The following CNTNAP5 variants were observed in gnomAD, a reference collection of about 807,000 sequenced individuals.
CNTNAP5 encodes the protein contactin associated protein family member 5.
CNTNAP5 carries 72 observed loss-of-function variants against 150.2 expected under a neutral mutation model. That is an observed-to-expected ratio of 0.48 (90% CI 0.40 to 0.58). CNTNAP5 has a LOEUF of 0.58. CNTNAP5 is among the 20% of genes least tolerant of loss of function. CNTNAP5 has a pLI of 0.00. For synonymous variants in CNTNAP5, 672 were observed against 619.8 expected, an observed-to-expected ratio of 1.08 and a Z score of -1.25; for missense variants, 1,636 against 1,626.2, an observed-to-expected ratio of 1.01 and a Z score of -0.10.
chr2:124,573,365 T>C (rs953903910), intron 11 of CNTNAP5, among the ~76,000 whole-genome samples: 6 of 152,220 alleles, frequency 3.9e-5, no homozygotes, highest in Non-Finnish European at 7.3e-5. Context: ...TCTTTATCTA[T>C]GTCTTTCTCT....
chr2:124,386,549 T>A (rs1237956559), intron 3 of CNTNAP5, among the ~76,000 whole-genome samples: 1 of 152,260 alleles, frequency 6.6e-6, no homozygotes, highest in Non-Finnish European at 1.5e-5. Context: ...TTTCTTACAA[T>A]AACTTCATCC....
intron 13 of CNTNAP5, among the ~76,000 whole-genome samples, chr2:124,722,076 A>G (rs1680061385): frequency 6.6e-6 from 1 of 152,010 alleles, no homozygotes; most frequent in Admixed American, 6.6e-5. Context: ...TTCATTTTTT[A>G]AAAGACCTTA....
intron 1 of CNTNAP5, among the ~76,000 whole-genome samples, chr2:124,082,113 G>T (rs1048436222): frequency 3.9e-5 from 6 of 152,036 alleles, no homozygotes; most frequent in Non-Finnish European, 8.8e-5. Flanking sequence ...ACTTTGGGAG[G>T]CCGAGGCGGG....
intron 1 of CNTNAP5, among the ~76,000 whole-genome samples, chr2:124,083,639 G>A (rs1033887301): frequency 1.3e-5 from 2 of 151,960 alleles, no homozygotes; most frequent in African/African-American, 4.8e-5. Context: ...TTATTTCCAA[G>A]TTCTCTTTCT....
intron 2 of CNTNAP5, among the ~76,000 whole-genome samples, chr2:124,234,738 C>T (rs1201408351): frequency 6.6e-6 from 1 of 152,150 alleles, no homozygotes; most frequent in Non-Finnish European, 1.5e-5. Flanking sequence ...GACCTCCTTT[C>T]CTGCTCCATC....
chr2:124,774,400 C>T (rs1267483737), intron 17 of CNTNAP5, among the ~76,000 whole-genome samples: 1 of 152,060 alleles, frequency 6.6e-6, no homozygotes, highest in Admixed American at 6.6e-5. Context: ...GTGAGGATAT[C>T]ATATTCTCTC....
At chr2:124,648,018 T>C in intron 13 of CNTNAP5, 60 bp downstream of exon 13, 1 of 1,481,530 alleles carries the variant, frequency 6.7e-7, no homozygotes, top group Non-Finnish European at 9.1e-7. Flanking sequence ...CCTGGAGTAT[T>C]AGGCAAAGGA....
chr2:124,548,028 G>T (rs1245497358), intron 10 of CNTNAP5, among the ~76,000 whole-genome samples: 1 of 152,082 alleles, frequency 6.6e-6, no homozygotes, highest in Non-Finnish European at 1.5e-5. Flanking sequence ...TCCATCTGAG[G>T]TTTTCATTAG....
intron 4 of CNTNAP5, among the ~76,000 whole-genome samples, chr2:124,427,991 C>A (rs901273204): frequency 5.9e-5 from 9 of 152,206 alleles, no homozygotes; most frequent in Non-Finnish European, 1.3e-4. Context: ...GTATTTCTAA[C>A]AAGCTCCTTG....
intron 3 of CNTNAP5, among the ~76,000 whole-genome samples, chr2:124,416,908 T>G (rs1399537362): frequency 6.6e-6 from 1 of 151,942 alleles, no homozygotes; most frequent in Non-Finnish European, 1.5e-5. Context: ...TAGAATTGCT[T>G]TATTCATAAA....
intron 8 of CNTNAP5, among the ~76,000 whole-genome samples, chr2:124,511,195 G>A (rs899690819): frequency 6.6e-6 from 1 of 152,178 alleles, no homozygotes; most frequent in Admixed American, 6.6e-5. Context: ...AGACCACCTG[G>A]TTTGTTTTCT....
chr2:124,707,161 A>G lies in CNTNAP5; in HGVS notation c.2078-40068A>G, dbSNP rs369517818. 2.7e-3 allele frequency among the ~76,000 whole-genome samples: 360 copies of G among 134,528 alleles called. 15 individuals are homozygous for G. The highest frequency in any genetic ancestry group is 7.8e-3 in the African/African-American group (296 of 38,002). 88.3% of individuals were successfully genotyped at this position (134,528 alleles called of 152,430 possible). A position where few individuals can be genotyped will look rare whatever the true frequency, so the allele number is the denominator to read the frequency against. On this transcript the variant is annotated intron_variant, in intron 13 of 23. Transcript: ENST00000682447. ...AAGAGGAAGAAGAAGAAGAAGAAGA[A>G]GAAGAAGAAGAAGAAGAAGAAGAAG...
At chr2:124,537,434 C>A (rs1205112296) in intron 10 of CNTNAP5, among the ~76,000 whole-genome samples, 1 of 152,176 alleles carries the variant, frequency 6.6e-6, no homozygotes, top group Non-Finnish European at 1.5e-5. Context: ...AGCTCACTGT[C>A]ACTATCTCCT....
At chr2:124,849,081 G>GT (rs1388240133) in intron 19 of CNTNAP5, among the ~76,000 whole-genome samples, 2 of 152,038 alleles carry the variant, frequency 1.3e-5, no homozygotes, top group African/African-American at 4.8e-5. Flanking sequence ...ATATTAAGGA[G>GT]TTTTTCCTCC....
intron 5 of CNTNAP5, among the ~76,000 whole-genome samples, chr2:124,444,914 T>A (rs529266725): frequency 6.6e-6 from 1 of 152,244 alleles, no homozygotes; most frequent in East Asian, 1.9e-4. Context: ...TCCATGGCCC[T>A]GTGCACTGAG....
chr2:124,452,681 C>T (rs1418548224), intron 6 of CNTNAP5, among the ~76,000 whole-genome samples: 3 of 152,102 alleles, frequency 2.0e-5, no homozygotes, highest in Admixed American at 6.6e-5. Flanking sequence ...TGCCCATATC[C>T]GTGGCTGAGA....
chr2:124,696,233 G>A (rs368827422), intron 13 of CNTNAP5, among the ~76,000 whole-genome samples: 3 of 152,158 alleles, frequency 2.0e-5, no homozygotes, highest in South Asian at 4.1e-4. Flanking sequence ...CAGAGCATAT[G>A]TTTTCCCCCA....
intron 19 of CNTNAP5, among the ~76,000 whole-genome samples, chr2:124,820,200 G>A (rs559339242): frequency 1.3e-5 from 2 of 152,242 alleles, no homozygotes; most frequent in South Asian, 4.1e-4. Context: ...TGTTTGCCGG[G>A]AAGGTAGATG....
intron 3 of CNTNAP5, among the ~76,000 whole-genome samples, chr2:124,353,193 C>T (rs982579329): frequency 4.0e-5 from 6 of 149,710 alleles, no homozygotes; most frequent in South Asian, 4.2e-4. Flanking sequence ...TGAGCTTGAA[C>T]GAGAACTCCT....
Sources: allele counts gnomAD v4.1 joint callset (sites outside exome capture counted in the v4.1 genomes callset), GRCh38; gene constraint gnomAD v4.1.1; transcripts MANE v1.5; gene names NCBI Gene and HGNC (gene_info 2026-07-23, HGNC 2026-07-21).